RASAL2: variants seen among roughly 807,000 people sequenced by gnomAD.
The protein encoded by RASAL2 is ras GTPase-activating protein nGAP.
A neutral mutation model predicts 128.9 loss-of-function variants in RASAL2; 58 were observed. That is an observed-to-expected ratio of 0.45 (90% CI 0.36 to 0.56). RASAL2 has a LOEUF of 0.56. Among genes scored for constraint, RASAL2 ranks in the 20% least tolerant of loss-of-function variants. The probability of loss-of-function intolerance (pLI) is 0.00; values close to 1 mark genes in which losing one functional copy is unlikely to be tolerated. For missense variants in RASAL2, 1,360 were observed against 1,601.6 expected, an observed-to-expected ratio of 0.85 and a Z score of 2.57; for synonymous variants, 561 against 580.8, an observed-to-expected ratio of 0.97 and a Z score of 0.49.
At chr1:178,321,956 C>A (rs1668807625) in intron 3 of RASAL2, among the ~76,000 whole-genome samples, 1 of 151,660 alleles carries the variant, frequency 6.6e-6, no homozygotes, top group African/African-American at 2.4e-5. Context: ...CCATTGCACT[C>A]CAGCCTGGGC....
chr1:178,441,593 T>A lies in RASAL2; in HGVS notation c.873T>A (p.Ala291=). The A allele has an allele frequency of 6.2e-7, 1 of 1,612,820 alleles. No individual in the cohort carries two copies. The highest frequency in any genetic ancestry group is 1.7e-4 in the Middle Eastern group (1 of 6,052). The part of the protein sequence containing the change: ...SGSKCFSCNS[A]SERDKWMENL... ...GTAAATGCTTCAGCTGTAATTCTGC[T>A]TCTGAGAGAGACAAGTGGATGGAAA... is the stretch of plus-strand genomic sequence containing the variant. Residue 291 remains alanine, a synonymous_variant, in exon 7 of 18, where the codon GCT becomes GCA. Coordinates refer to ENST00000367649, the MANE Select transcript of RASAL2 (RefSeq NM_170692.4).
rs985545499 is a variant in RASAL2, at chr1:178,349,191, C to T, written c.458-40909C>T. On this transcript the variant is annotated intron_variant, in intron 3 of 17. Coordinates refer to ENST00000367649, the MANE Select transcript of RASAL2 (RefSeq NM_170692.4). ...ATTCCAGCATTTTGGGAGGCTGAGG[C>T]GGGCAGATCACCAGGTCAGGAGATC... Among the ~76,000 whole-genome samples, 8 of 145,208 alleles carry T rather than the reference C, an allele frequency of 5.5e-5. No homozygotes were observed. The South Asian group carries it at 6.8e-4, about 12-fold the overall frequency.
chr1:178,172,975 A>G (rs183885366), intron 1 of RASAL2, among the ~76,000 whole-genome samples: 1 of 152,238 alleles, frequency 6.6e-6, no homozygotes, highest in Admixed American at 6.5e-5. Context: ...AAAATATCTT[A>G]TATTTATGTG....
chr1:178,107,454 GT>G lies in RASAL2; in HGVS notation c.202+12768del, dbSNP rs199963404. Among the ~76,000 whole-genome samples the G allele has an allele frequency of 5.1e-3, 769 of 151,710 alleles. 15 individuals carry two copies. The highest frequency in any genetic ancestry group is 0.018 in the African/African-American group (737 of 41,392). ...TAGAGTAACCAATAAATTATTTTGT[GT>G]TTTTTTTATTATGGTAAATATAGCA... On this transcript the variant is annotated intron_variant, in intron 1 of 17. Transcript: ENST00000367649.
intron 1 of RASAL2, among the ~76,000 whole-genome samples, chr1:178,097,933 G>A (rs887198674): frequency 6.6e-6 from 1 of 152,076 alleles, no homozygotes. Context: ...AAACTTTTCT[G>A]GAATATGTTC....
At chr1:178,274,496 C>T (rs550475284) in intron 1 of RASAL2, among the ~76,000 whole-genome samples, 23 of 152,062 alleles carry the variant, frequency 1.5e-4, no homozygotes, top group Non-Finnish European at 3.2e-4. Flanking sequence ...GTAACAGAAA[C>T]GAGACATGAA....
At chr1:178,466,274 C>T (rs1647676020) in intron 16 of RASAL2, 152 bp downstream of exon 16, 1 of 678,642 alleles carries the variant, frequency 1.5e-6, no homozygotes, top group South Asian at 3.1e-5. Flanking sequence ...CTTAAAATAT[C>T]CTAAATATGA....
chr1:178,314,413 G>A (rs1279454727), intron 3 of RASAL2, among the ~76,000 whole-genome samples: 2 of 152,088 alleles, frequency 1.3e-5, no homozygotes, highest in Non-Finnish European at 2.9e-5. Context: ...TTAAAGTACC[G>A]CAGCTTCCTA....
At chr1:178,431,302 C>G (rs1675881195) in intron 5 of RASAL2, among the ~76,000 whole-genome samples, 1 of 151,924 alleles carries the variant, frequency 6.6e-6, no homozygotes, top group Admixed American at 6.6e-5. Flanking sequence ...GTTTATAATT[C>G]ACAGAAAAGG....
Position 178,476,670 on chromosome 1 carries a change from C to G in RASAL2, c.*3431C>G, listed in dbSNP as rs1648695917. ...GAAAGAAAAAGAAGATTACCTAAGA[C>G]TGCTACAAGTGTTAACTATATGCCC... On this transcript the variant is annotated 3_prime_UTR_variant, in exon 18 of 18. Coordinates refer to ENST00000367649, the MANE Select transcript of RASAL2 (RefSeq NM_170692.4). The G allele has an allele frequency of 6.6e-6, 1 of 152,162 alleles. No homozygotes were observed. Among genetic ancestry groups the G allele is most frequent in the African/African-American group, 2.4e-5 (1 of 41,430 alleles). 9.4% of individuals were successfully genotyped at this position (152,162 alleles called of 1,614,324 possible).
intron 1 of RASAL2, among the ~76,000 whole-genome samples, chr1:178,225,967 A>G (rs1299425479): frequency 6.6e-6 from 1 of 152,154 alleles, no homozygotes; most frequent in Non-Finnish European, 1.5e-5. Flanking sequence ...ATCTCACAGA[A>G]CATTTCAGGC....
At chr1:178,349,943 A>G (rs1488904017) in intron 3 of RASAL2, among the ~76,000 whole-genome samples, 1 of 152,218 alleles carries the variant, frequency 6.6e-6, no homozygotes, top group Non-Finnish European at 1.5e-5. Flanking sequence ...ACAAAACTAC[A>G]AACATGACAT....
At chr1:178,300,213 T>A in intron 3 of RASAL2, 95 bp downstream of exon 3, 1 of 1,353,788 alleles carries the variant, frequency 7.4e-7, no homozygotes, top group Non-Finnish European at 1.0e-6. Flanking sequence ...CATTTCCTGT[T>A]AAGTAAGTGC....
chr1:178,305,566 G>T (rs1667946618), intron 3 of RASAL2, among the ~76,000 whole-genome samples: 1 of 152,158 alleles, frequency 6.6e-6, no homozygotes, highest in South Asian at 2.1e-4. Flanking sequence ...AAGAATGTTG[G>T]CTAGAACAGC....
At chr1:178,339,211 A>G (rs565117223) in intron 3 of RASAL2, among the ~76,000 whole-genome samples, 136 of 152,344 alleles carry the variant, frequency 8.9e-4, no homozygotes, top group African/African-American at 3.1e-3. Flanking sequence ...ACTGAAGCCA[A>G]TAGAATTAAA....
chr1:178,460,435 T>C (rs375691431), intron 14 of RASAL2, among the ~76,000 whole-genome samples: 15 of 152,192 alleles, frequency 9.9e-5, no homozygotes, highest in South Asian at 2.1e-4. Flanking sequence ...ATTTATAACA[T>C]TTTTTCTTTA....
At chr1:178,341,196 A>G (rs1430840714) in intron 3 of RASAL2, among the ~76,000 whole-genome samples, 1 of 152,170 alleles carries the variant, frequency 6.6e-6, no homozygotes, top group Non-Finnish European at 1.5e-5. Context: ...CTTTTGAAAA[A>G]ATCACTTCTT....
intron 1 of RASAL2, among the ~76,000 whole-genome samples, chr1:178,185,994 C>T (rs1029572178): frequency 4.6e-5 from 7 of 152,008 alleles, no homozygotes; most frequent in Non-Finnish European, 1.0e-4. Flanking sequence ...GTAGAATTTA[C>T]CATTGAAACT....
chr1:178,352,567 CT>C (rs1670569818), intron 3 of RASAL2, among the ~76,000 whole-genome samples: 1 of 152,148 alleles, frequency 6.6e-6, no homozygotes, highest in Non-Finnish European at 1.5e-5. Flanking sequence ...CTCTTGGTGG[CT>C]CTACCATTCT....
Sources: allele counts gnomAD v4.1 joint callset (sites outside exome capture counted in the v4.1 genomes callset), GRCh38; gene constraint gnomAD v4.1.1; transcripts MANE v1.5; gene names NCBI Gene and HGNC (gene_info 2026-07-23, HGNC 2026-07-21).